GRID2: variants seen among roughly 807,000 people sequenced by gnomAD.
The protein encoded by GRID2 is glutamate receptor ionotropic, delta-2.
Under a neutral mutation model 114.8 loss-of-function variants are expected in GRID2, and 33 were observed. The ratio of observed to expected loss-of-function variants is 0.29; its 90% CI spans 0.22 to 0.38. GRID2 has a LOEUF of 0.38. Ranked by LOEUF, GRID2 falls within the 10% of genes least tolerant of loss-of-function variation. GRID2 has a pLI of 1.00. For missense variants in GRID2, 1,184 were observed against 1,257.7 expected (o/e 0.94, Z 0.89); for synonymous variants, 505 against 449.9 (o/e 1.12, Z -1.55).
chr4:92,423,271 C>T (rs563342505), intron 1 of GRID2, among the ~76,000 whole-genome samples: 1 of 152,166 alleles, frequency 6.6e-6, no homozygotes, highest in South Asian at 2.1e-4. Flanking sequence ...TAAGGATCAT[C>T]CTAATTTTTT....
At chr4:93,310,838 T>A (rs900806140) in intron 8 of GRID2, among the ~76,000 whole-genome samples, 1 of 152,194 alleles carries the variant, frequency 6.6e-6, no homozygotes, top group Non-Finnish European at 1.5e-5. Context: ...CAGACTGTTG[T>A]CTCTAAATTG....
At chr4:92,898,290 AAAAC>A (rs2149477412) in intron 2 of GRID2, among the ~76,000 whole-genome samples, 1 of 152,270 alleles carries the variant, frequency 6.6e-6, no homozygotes, top group Admixed American at 6.5e-5. Flanking sequence ...AGTTGCCAGA[AAAAC>A]AAAGAAATAT....
In GRID2 at chr4:92,499,906, C is replaced by A. The variant is rs186880806; in HGVS notation, c.89-90225C>A. 2.6e-5 allele frequency among the ~76,000 whole-genome samples: 4 copies of A among 152,332 alleles called. No individual in the cohort carries two copies. In the East Asian group the frequency reaches 7.7e-4, roughly 29 times the overall value. On this transcript the variant is annotated intron_variant, in intron 1 of 15. Transcript: ENST00000282020. ...CTGGGATTACAGGCGTGCGCCATTG[C>A]GCCTGGCCTATGAATGTTTTTATAC... is the stretch of plus-strand genomic sequence containing the variant.
intron 1 of GRID2, among the ~76,000 whole-genome samples, chr4:92,468,503 A>C (rs1043268267): frequency 6.6e-6 from 1 of 152,106 alleles, no homozygotes; most frequent in Non-Finnish European, 1.5e-5. Context: ...ACACTTAATG[A>C]AATATTTATT....
At chr4:92,315,351 G>A (rs990404053) in intron 1 of GRID2, among the ~76,000 whole-genome samples, 3 of 152,114 alleles carry the variant, frequency 2.0e-5, no homozygotes, top group Non-Finnish European at 4.4e-5. Context: ...TGAGAGGGTA[G>A]GAGTCTTATA....
At chr4:92,812,579 G>T (rs1268407998) in intron 2 of GRID2, among the ~76,000 whole-genome samples, 1 of 151,896 alleles carries the variant, frequency 6.6e-6, no homozygotes, top group Non-Finnish European at 1.5e-5. Flanking sequence ...AATTAATTTA[G>T]CATAATACCC....
chr4:93,241,817 A>AAAT lies in GRID2; in HGVS notation c.1245+3327_1245+3328insAAT, dbSNP rs1489810559. 7.1e-4 allele frequency among the ~76,000 whole-genome samples: 107 copies of AAAT among 151,006 alleles called. 1 individual carries two copies. Among genetic ancestry groups the AAAT allele is most frequent in the African/African-American group, 2.6e-3 (106 of 41,076 alleles). On this transcript the variant is annotated intron_variant, in intron 8 of 15. Transcript: ENST00000282020. ...AGTAGAAAAGTAAAAAAAAAAAAAA[A>AAAT]GTGAGTATGTTTGGGTAGTAATTAA...
At chr4:93,560,222 TAAAAAAAAAAAAAAAAAA>T (rs70942974) in intron 13 of GRID2, among the ~76,000 whole-genome samples, 2 of 42,954 alleles carry the variant, frequency 4.7e-5, no homozygotes, top group South Asian at 1.4e-3. Flanking sequence ...GAACTTAAAG[TAAAAAAAAAAAAAAAAAA>T]AAAAAAAAAA....
exon 2 of GRID2, chr4:93,809,090 GA>G (rs1735085836): frequency 6.6e-6 from 1 of 152,150 alleles, no homozygotes; most frequent in African/African-American, 2.4e-5. Flanking sequence ...CCTATGATAA[GA>G]TGTGTTTCTG....
At chr4:92,550,449 T>TTTC (rs1464578008) in intron 1 of GRID2, among the ~76,000 whole-genome samples, 1 of 152,202 alleles carries the variant, frequency 6.6e-6, no homozygotes, top group Non-Finnish European at 1.5e-5. Context: ...GTTAACAAAA[T>TTTC]TTCTTCATGG....
chr4:93,614,618 C>T (rs551708174), intron 13 of GRID2, among the ~76,000 whole-genome samples: 1 of 152,060 alleles, frequency 6.6e-6, no homozygotes, highest in Non-Finnish European at 1.5e-5. Context: ...GACGAGTTAA[C>T]AGGGTCAATA....
At chr4:93,412,459 T>C (rs1246541302) in intron 9 of GRID2, among the ~76,000 whole-genome samples, 2 of 152,194 alleles carry the variant, frequency 1.3e-5, no homozygotes, top group Non-Finnish European at 2.9e-5. Context: ...TCTTCCTAGA[T>C]AACTTGCAAT....
At chr4:93,042,878 A>G (rs970714223) in intron 2 of GRID2, among the ~76,000 whole-genome samples, 15 of 151,696 alleles carry the variant, frequency 9.9e-5, no homozygotes, top group African/African-American at 3.6e-4. Flanking sequence ...GCCACTCTTG[A>G]AAAAAGAGCA....
intron 13 of GRID2, among the ~76,000 whole-genome samples, chr4:93,530,218 G>A (rs1731307777): frequency 2.0e-5 from 3 of 152,206 alleles, no homozygotes; most frequent in Admixed American, 2.0e-4. Context: ...TCTTCCCTCA[G>A]CATAGCACTG....
chr4:92,725,059 A>G (rs1322042014), intron 2 of GRID2, among the ~76,000 whole-genome samples: 1 of 152,082 alleles, frequency 6.6e-6, no homozygotes, highest in African/African-American at 2.4e-5. Flanking sequence ...CCAGCATTTT[A>G]GGAGGCCGAG....
chr4:92,475,512 C>T (rs954500365), intron 1 of GRID2, among the ~76,000 whole-genome samples: 9 of 151,674 alleles, frequency 5.9e-5, no homozygotes, highest in African/African-American at 2.2e-4. Flanking sequence ...AGTCTGTCTG[C>T]ATTGTTCTGT....
At chr4:92,364,554 C>A (rs1422279761) in intron 1 of GRID2, among the ~76,000 whole-genome samples, 1 of 151,394 alleles carries the variant, frequency 6.6e-6, no homozygotes, top group South Asian at 2.1e-4. Flanking sequence ...TAGCTAAAAT[C>A]AAAAGATTTT....
intron 1 of GRID2, among the ~76,000 whole-genome samples, chr4:92,314,856 A>AT (rs1423924720): frequency 6.6e-6 from 1 of 152,166 alleles, no homozygotes; most frequent in Non-Finnish European, 1.5e-5. Flanking sequence ...ACGTGTAGTA[A>AT]TTACAGGGCA....
intron 2 of GRID2, among the ~76,000 whole-genome samples, chr4:92,609,453 A>G (rs1353516010): frequency 1.3e-5 from 2 of 151,504 alleles, no homozygotes; most frequent in Non-Finnish European, 3.0e-5. Flanking sequence ...ATGAAGTAGC[A>G]TACTAGGCAT....
Sources: allele counts gnomAD v4.1 joint callset (sites outside exome capture counted in the v4.1 genomes callset), GRCh38; gene constraint gnomAD v4.1.1; transcripts MANE v1.5; gene names NCBI Gene and HGNC (gene_info 2026-07-23, HGNC 2026-07-21).